IARS2: variants seen among roughly 807,000 people sequenced by gnomAD.
The protein encoded by IARS2 is isoleucine--tRNA ligase, mitochondrial.
In IARS2, 56 loss-of-function variants were observed where a neutral mutation model predicts 126.3. The observed-to-expected ratio is 0.44, with a 90% CI of 0.36 to 0.55. The LOEUF (loss-of-function observed/expected upper bound fraction) is 0.55. IARS2 is among the 20% of genes least tolerant of loss of function. IARS2 has a pLI of 0.00. For synonymous variants in IARS2, 407 were observed against 441.1 expected (o/e 0.92, Z 0.97); for missense variants, 1,127 against 1,245.9 (o/e 0.90, Z 1.44).
intron 11 of IARS2, among the ~76,000 whole-genome samples, chr1:220,111,293 C>T (rs772560736): frequency 2.0e-5 from 3 of 152,034 alleles, no homozygotes; most frequent in Non-Finnish European, 2.9e-5. Flanking sequence ...GGTAATAATG[C>T]GTATCTCATG....
Position 220,147,595 on chromosome 1 carries a change from C to T in IARS2, c.2999C>T (p.Thr1000Ile), listed in dbSNP as rs2102845463. 1 of 1,614,052 alleles carries T rather than the reference C, an allele frequency of 6.2e-7. No homozygotes were observed. The highest frequency in any genetic ancestry group is 8.5e-7 in the Non-Finnish European group (1 of 1,179,994). ...AAGTATACAGCGGAGTCTTCAGATA[C>T]ACTGTGTCCTCGATGTGCAGAAGTT... The part of the protein sequence containing the change: ...CWKYTAESSD[T>I]LCPRCAEVVS... Residue 1000 changes from threonine (T) to isoleucine (I), a missense_variant, in exon 23 of 23, where the codon ACA (threonine) becomes ATA (isoleucine). Physicochemically the swap from Thr to Ile is moderately conservative, Grantham distance 89. Coordinates refer to ENST00000366922, the MANE Select transcript of IARS2 (RefSeq NM_018060.4).
intron 12 of IARS2, among the ~76,000 whole-genome samples, chr1:220,119,561 T>G (rs1281353167): frequency 6.6e-6 from 1 of 152,070 alleles, no homozygotes; most frequent in Non-Finnish European, 1.5e-5. Context: ...GTTTAAAAAT[T>G]TTTTTAGGAA....
intron 20 of IARS2, 139 bp from the exon 21 acceptor site, chr1:220,142,804 AT>A (rs1657516181): frequency 2.1e-6 from 1 of 479,286 alleles, no homozygotes; most frequent in African/African-American, 2.0e-5. Context: ...AATAATTAGG[AT>A]GGATCCATAA....
intron 2 of IARS2, among the ~76,000 whole-genome samples, chr1:220,096,874 G>A (rs1162118050): frequency 1.3e-5 from 2 of 151,916 alleles, no homozygotes; most frequent in East Asian, 1.9e-4. Flanking sequence ...GTGAAACCCC[G>A]TCTCTACTAA....
chr1:220,145,596 C>G lies in IARS2; in HGVS notation c.2839C>G (p.Arg947Gly), dbSNP rs1211922508. Residue 947 changes from arginine to glycine, a missense_variant, in exon 22 of 23, where the codon CGA becomes GGA. Transcript: ENST00000366922. ...GTCAACTTTACTGGCTCAGGAACCA[C>G]GAGAGATGACTGCAGATGTAATCGA... ...SESTLLAQEP[R>G]EMTADVIELK... The G allele has an allele frequency of 2.5e-6, 4 of 1,613,548 alleles. No individual in the cohort carries two copies. The highest frequency in any genetic ancestry group is 3.3e-5 in the Admixed American group (2 of 59,974).
rs564572619 is a variant in IARS2 at position 220,143,851 on chromosome 1, A to G, written c.2751+717A>G. ...TGGCCAGATTGGCTTATAGCTTAAC[A>G]TAATGATGTGATTTTTCTCCAGTCT... On this transcript the variant is annotated intron_variant, in intron 21 of 22. Transcript: ENST00000366922. The G allele has an allele frequency of 3.7e-5, 23 of 614,144 alleles. No homozygotes were observed. The African/African-American group carries it at 4.1e-4, about 11-fold the overall frequency. 38.0% of individuals were successfully genotyped at this position (614,144 alleles called of 1,614,324 possible).
rs917298497 is a variant in IARS2 at position 220,102,544 on chromosome 1, C to T, written c.799C>T (p.Arg267Cys). 30 of 1,613,926 alleles carry T rather than the reference C, an allele frequency of 1.9e-5. No homozygotes were observed. Among genetic ancestry groups the T allele is most frequent in the South Asian group, 5.5e-5 (5 of 91,060 alleles). The stretch of plus-strand genomic sequence containing the variant: ...TGAATATAATCCTGAGCATGTCAGT[C>T]GTTCAATATATGTAAAATTTCCTCT... ...ELEYNPEHVSRSIYVKFPLLK... is the reference protein window; with the variant it reads ...ELEYNPEHVSCSIYVKFPLLK... Residue 267 changes from arginine to cysteine, a missense_variant, in exon 6 of 23, where the codon CGT (arginine) becomes TGT (cysteine). Transcript: ENST00000366922.
At position 220,147,817 on chromosome 1, in the gene IARS2, A is replaced by C; in HGVS notation, c.*182A>C. The C allele has an allele frequency of 3.3e-6, 2 of 603,882 alleles. No individual in the cohort carries two copies. The highest frequency in any genetic ancestry group is 3.0e-5 in the Admixed American group (1 of 33,760). The allele number at this position is 603,882 out of a possible 1,614,324, so 37.4% of individuals were successfully genotyped here. ...ATTTCCTGTAACTATAGAAAGAATT[A>C]TGTATATATACATGCAGAAATATAT... On this transcript the variant is annotated 3_prime_UTR_variant, in exon 23 of 23. Coordinates refer to ENST00000366922, the MANE Select transcript of IARS2 (RefSeq NM_018060.4).
intron 12 of IARS2, among the ~76,000 whole-genome samples, chr1:220,116,226 CAG>C (rs971227003): frequency 6.6e-6 from 1 of 152,136 alleles, no homozygotes; most frequent in Admixed American, 6.5e-5. Flanking sequence ...CGAAACAAAA[CAG>C]AACACATTGT....
At chr1:220,135,953 C>G (rs1329036331) in intron 15 of IARS2, among the ~76,000 whole-genome samples, 2 of 152,016 alleles carry the variant, frequency 1.3e-5, no homozygotes, top group African/African-American at 4.8e-5. Context: ...GGGCCCCTGG[C>G]AACCACTGAT....
chr1:220,111,869 A>G (rs138379831), intron 11 of IARS2, among the ~76,000 whole-genome samples: 5 of 152,136 alleles, frequency 3.3e-5, no homozygotes, highest in Middle Eastern at 6.8e-3. Flanking sequence ...CTTCATTTAA[A>G]GCCTCTCTTC....
intron 12 of IARS2, among the ~76,000 whole-genome samples, chr1:220,125,027 G>A (rs943163038): frequency 1.3e-5 from 2 of 152,126 alleles, no homozygotes; most frequent in South Asian, 2.1e-4. Flanking sequence ...TAAGAAATAG[G>A]TAAATCAGTA....
chr1:220,114,065 T>C (rs1656865123), intron 11 of IARS2, among the ~76,000 whole-genome samples: 1 of 152,182 alleles, frequency 6.6e-6, no homozygotes, highest in African/African-American at 2.4e-5. Flanking sequence ...TGTTAAAAAA[T>C]GCAACAATGC....
chr1:220,094,505 G>C (rs1323744422), intron 1 of IARS2, 22 bp downstream of exon 1: 2 of 1,560,698 alleles, frequency 1.3e-6, no homozygotes, highest in Non-Finnish European at 1.7e-6. Context: ...GCCTCGGCGC[G>C]GGGCCTCCAG....
chr1:220,128,707 G>A (rs1160590757), intron 14 of IARS2, among the ~76,000 whole-genome samples: 1 of 152,180 alleles, frequency 6.6e-6, no homozygotes, highest in Non-Finnish European at 1.5e-5. Flanking sequence ...GAGGTATAGT[G>A]TATTTCAAAG....
At chr1:220,140,048 G>A in intron 18 of IARS2, 135 bp from the exon 19 acceptor site, 1 of 656,392 alleles carries the variant, frequency 1.5e-6, no homozygotes, top group Non-Finnish European at 2.7e-6. Context: ...AGATTCCCAG[G>A]AGTTCTTGCA....
chr1:220,146,036 A>G (rs1041655263), intron 22 of IARS2, among the ~76,000 whole-genome samples: 2 of 152,154 alleles, frequency 1.3e-5, no homozygotes, highest in Admixed American at 6.5e-5. Flanking sequence ...TGATTCTAAA[A>G]TTTCCTATTA....
intron 7 of IARS2, among the ~76,000 whole-genome samples, chr1:220,103,183 G>C (rs1162893125): frequency 1.3e-5 from 2 of 151,884 alleles, no homozygotes; most frequent in African/African-American, 2.4e-5. Flanking sequence ...TGGGATTATG[G>C]GATTACAGGC....
intron 17 of IARS2, 150 bp downstream of exon 17, chr1:220,138,193 C>G (rs1055204151): frequency 1.1e-6 from 1 of 914,174 alleles, no homozygotes. Flanking sequence ...CCTGTGTTGG[C>G]CAGGCATGGT....
Sources: allele counts gnomAD v4.1 joint callset (sites outside exome capture counted in the v4.1 genomes callset), GRCh38; gene constraint gnomAD v4.1.1; transcripts MANE v1.5; gene names NCBI Gene and HGNC (gene_info 2026-07-23, HGNC 2026-07-21).